MAP2: variants seen among roughly 807,000 people sequenced by gnomAD.
MAP2 encodes microtubule associated protein 2.
MAP2 carries 14 observed loss-of-function variants against 137.6 expected under a neutral mutation model. The observed-to-expected ratio is 0.10, with a 90% confidence interval of 0.07 to 0.16. MAP2 has a LOEUF of 0.16. Ranked by LOEUF, MAP2 falls within the 10% of genes least tolerant of loss-of-function variation. MAP2 has a pLI of 1.00. For synonymous variants in MAP2, 786 were observed against 782.3 expected, an observed-to-expected ratio of 1.00 and a Z score of -0.08; for missense variants, 2,088 against 2,191.5, an observed-to-expected ratio of 0.95 and a Z score of 0.94.
At position 209,731,643 on chromosome 2, in the gene MAP2, T is replaced by C. The variant is rs1224091976; in HGVS notation, c.*1246T>C. 6.6e-6 allele frequency: 1 copy of C among 152,628 alleles called. No homozygotes were observed. Among genetic ancestry groups the C allele is most frequent in the Non-Finnish European group, 1.5e-5 (1 of 68,036 alleles). 9.5% of individuals were successfully genotyped at this position (152,628 alleles called of 1,614,324 possible). On this transcript the variant is annotated 3_prime_UTR_variant, in exon 16 of 16. Transcript: ENST00000682079. ...CTTTATTTTTCTTTTTTTTTCCATTTGCTAAAGTTGAAAGTTGAAACTAAC... is the reference window on the plus strand; with the variant it reads ...CTTTATTTTTCTTTTTTTTTCCATTCGCTAAAGTTGAAAGTTGAAACTAAC...
At chr2:209,529,197 A>G (rs2064709905) in intron 2 of MAP2, among the ~76,000 whole-genome samples, 2 of 152,066 alleles carry the variant, frequency 1.3e-5, no homozygotes, top group Non-Finnish European at 1.5e-5. Context: ...GGTGGAGAGG[A>G]CACTAAAGCT....
chr2:209,688,708 T>C (rs1228432202), intron 7 of MAP2, among the ~76,000 whole-genome samples: 2 of 152,176 alleles, frequency 1.3e-5, no homozygotes, highest in African/African-American at 2.4e-5. Flanking sequence ...GCAATGTGTC[T>C]CATTCTAACT....
At chr2:209,479,459 C>T (rs1046989404) in intron 1 of MAP2, among the ~76,000 whole-genome samples, 1 of 152,048 alleles carries the variant, frequency 6.6e-6, no homozygotes, top group East Asian at 1.9e-4. Flanking sequence ...AATAAAGATA[C>T]ATTTTTGATC....
At chr2:209,572,319 T>A (rs2153375942) in intron 2 of MAP2, among the ~76,000 whole-genome samples, 1 of 152,242 alleles carries the variant, frequency 6.6e-6, no homozygotes, top group African/African-American at 2.4e-5. Context: ...ATGCAACGCG[T>A]ATCTCAATAT....
chr2:209,593,644 T>A (rs867682683), intron 3 of MAP2, among the ~76,000 whole-genome samples: 2,910 of 30,112 alleles, frequency 0.097, 365 homozygotes, highest in African/African-American at 0.13. Context: ...AATATATATA[T>A]ATATATATAT....
chr2:209,721,982 A>G (rs2071260540), intron 13 of MAP2: 1 of 152,216 alleles, frequency 6.6e-6, no homozygotes, highest in Non-Finnish European at 1.5e-5. Flanking sequence ...TTCCAAGATT[A>G]GATGGGAATG....
intron 3 of MAP2, among the ~76,000 whole-genome samples, chr2:209,595,752 A>C (rs1398143837): frequency 2.0e-5 from 3 of 152,252 alleles, no homozygotes; most frequent in Admixed American, 2.0e-4. Context: ...TGGCATATAT[A>C]TACCATGGAA....
chr2:209,628,768 G>A (rs1225389301), intron 4 of MAP2, among the ~76,000 whole-genome samples: 1 of 152,100 alleles, frequency 6.6e-6, no homozygotes, highest in Non-Finnish European at 1.5e-5. Flanking sequence ...CTCCTCTCAT[G>A]GAGGGCAGAG....
intron 7 of MAP2, chr2:209,690,939 A>G (rs756860157): frequency 1.9e-4 from 214 of 1,136,534 alleles, no homozygotes; most frequent in East Asian, 5.9e-4. Context: ...CTATTTCGCT[A>G]TTTCATCGCT....
chr2:209,488,533 G>T (rs1006002099), intron 1 of MAP2, among the ~76,000 whole-genome samples: 1 of 152,158 alleles, frequency 6.6e-6, no homozygotes, highest in African/African-American at 2.4e-5. Context: ...GCTAAGATCC[G>T]CTGGCTTGAA....
chr2:209,599,224 T>C (rs1402009509), intron 3 of MAP2, among the ~76,000 whole-genome samples: 2 of 152,028 alleles, frequency 1.3e-5, no homozygotes, highest in Non-Finnish European at 2.9e-5. Context: ...TTTCATGTGT[T>C]TTTTGGCTGC....
At chr2:209,521,249 C>A (rs1305409505) in intron 2 of MAP2, among the ~76,000 whole-genome samples, 1 of 152,020 alleles carries the variant, frequency 6.6e-6, no homozygotes, top group East Asian at 1.9e-4. Context: ...TGGCAGCAGC[C>A]TTCTACGTAC....
At position 209,478,443 on chromosome 2, in the gene MAP2, T is replaced by C. The variant is rs528232916; in HGVS notation, c.-221-29149T>C. On this transcript the variant is annotated intron_variant, in intron 1 of 15. Transcript: ENST00000682079. ...GTGATTATTAGCTTAATTATCTAAT[T>C]GAAGACAAATGTTTACTACTGCCAA... Among the ~76,000 whole-genome samples, 5 of 152,312 alleles carry C rather than the reference T, an allele frequency of 3.3e-5. No individual in the cohort carries two copies. In the South Asian group the frequency reaches 1.0e-3, roughly 32 times the overall value.
At chr2:209,467,099 T>C (rs1371650016) in intron 1 of MAP2, among the ~76,000 whole-genome samples, 2 of 152,230 alleles carry the variant, frequency 1.3e-5, no homozygotes, top group Non-Finnish European at 2.9e-5. Flanking sequence ...CAGACTCTAA[T>C]TGACAGAGCA....
At chr2:209,538,553 T>TCC (rs1553579356) in intron 2 of MAP2, among the ~76,000 whole-genome samples, 20 of 150,098 alleles carry the variant, frequency 1.3e-4, no homozygotes, top group African/African-American at 5.0e-4. Context: ...TTTTTTTTTT[T>TCC]CCTCTGTGTA....
intron 7 of MAP2, among the ~76,000 whole-genome samples, chr2:209,687,895 A>G (rs1284979249): frequency 1.3e-5 from 2 of 152,108 alleles, no homozygotes; most frequent in Admixed American, 6.6e-5. Context: ...CTCAGAACGG[A>G]CCACCTCTAG....
Position 209,725,617 on chromosome 2 carries a change from T to C in MAP2, c.5074-92T>C, listed in dbSNP as rs367626114. On this transcript the variant is annotated intron_variant, in intron 13 of 15. Coordinates refer to ENST00000682079, the MANE Select transcript of MAP2 (RefSeq NM_001375505.1). ...TTTCTAGCTATGTTGTTGCATGTTG[T>C]GACTTTGGGTGTGTTTCTAGATCTT... is the stretch of plus-strand genomic sequence containing the variant. 1.1e-5 allele frequency: 7 copies of C among 646,790 alleles called. No homozygotes were observed. The South Asian group carries it at 1.8e-4, about 17-fold the overall frequency. The allele number at this position is 646,790 out of a possible 1,614,324, so 40.1% of individuals were successfully genotyped here. A position where few individuals can be genotyped will look rare whatever the true frequency, so the allele number is the denominator to read the frequency against.
rs555555776 is a variant in MAP2 at position 209,725,843 on chromosome 2, G to A, written c.5155+53G>A. The A allele has an allele frequency of 2.9e-5, 37 of 1,266,800 alleles. No individual in the cohort carries two copies. In the African/African-American group the frequency reaches 3.9e-4, roughly 13 times the overall value. The allele number at this position is 1,266,800 out of a possible 1,614,324, so 78.5% of individuals were successfully genotyped here. On this transcript the variant is annotated intron_variant, in intron 14 of 15. Transcript: ENST00000682079. ...GAAATATTTAACTGGAATCAAGAAA[G>A]GGATGAGAAAATTTTTTGTTGTTGC... is the stretch of plus-strand genomic sequence containing the variant.
intron 5 of MAP2, among the ~76,000 whole-genome samples, chr2:209,676,762 T>C (rs1366928338): frequency 9.5e-6 from 1 of 105,450 alleles, no homozygotes; most frequent in Non-Finnish European, 2.1e-5. Flanking sequence ...TATATATATA[T>C]ATATATATAT....
Sources: allele counts gnomAD v4.1 joint callset (sites outside exome capture counted in the v4.1 genomes callset), GRCh38; gene constraint gnomAD v4.1.1; transcripts MANE v1.5; gene names NCBI Gene and HGNC (gene_info 2026-07-23, HGNC 2026-07-21).